Variants in RADIL observed in about 807,000 individuals in gnomAD.
RADIL encodes the protein Rap associating with DIL domain, also known as ras-associating and dilute domain-containing protein.
RADIL carries 99 observed loss-of-function variants against 97.6 expected under a neutral mutation model. The ratio of observed to expected loss-of-function variants is 1.01; its 90% CI spans 0.86 to 1.20. The LOEUF is 1.20. Among genes scored for constraint, RADIL ranks in the 50% most tolerant of loss-of-function variants. The probability of loss-of-function intolerance (pLI) is 0.00; values close to 1 mark genes in which losing one functional copy is unlikely to be tolerated. For synonymous variants in RADIL, 803 were observed against 691.8 expected (o/e 1.16, Z -2.52); for missense variants, 1,765 against 1,498.9 (o/e 1.18, Z -2.93).
chr7:4,829,951 G>C (rs891009746), intron 5 of RADIL, among the ~76,000 whole-genome samples: 3 of 152,172 alleles, frequency 2.0e-5, no homozygotes, highest in African/African-American at 7.2e-5. Context: ...TGGGAATCAC[G>C]CAAACCTCTG....
At chr7:4,848,882 T>C (rs921494671) in intron 2 of RADIL, among the ~76,000 whole-genome samples, 2 of 152,188 alleles carry the variant, frequency 1.3e-5, no homozygotes, top group Non-Finnish European at 2.9e-5. Context: ...CTCACACCTG[T>C]AATCCCAGCA....
At chr7:4,830,438 A>C (rs894027985) in intron 5 of RADIL, among the ~76,000 whole-genome samples, 2 of 152,198 alleles carry the variant, frequency 1.3e-5, no homozygotes, top group Non-Finnish European at 2.9e-5. Context: ...CTTTCTGCGC[A>C]AACAGCCGTT....
chr7:4,836,262 G>A lies in RADIL; in HGVS notation c.783+96C>T, dbSNP rs867043579. On this transcript the variant is annotated intron_variant, in intron 3 of 14. Transcript: ENST00000399583. The stretch of plus-strand genomic sequence containing the variant: ...GGCTGCAGCCACAGAGCTCGCGGCC[G>A]ACTGGGCTAAAGGCAGGCGGAGGCC... 138 of 1,518,650 alleles carry A rather than the reference G, an allele frequency of 9.1e-5. 1 individual carries two copies. The South Asian group carries it at 1.3e-3, about 14-fold the overall frequency. 94.1% of individuals were successfully genotyped at this position (1,518,650 alleles called of 1,614,324 possible).
chr7:4,875,618 G>C (rs1356734184), intron 2 of RADIL, among the ~76,000 whole-genome samples: 2 of 152,210 alleles, frequency 1.3e-5, no homozygotes, highest in East Asian at 3.9e-4. Context: ...GCAGCCCCAA[G>C]GTGGCCCTGT....
intron 9 of RADIL, among the ~76,000 whole-genome samples, chr7:4,810,663 T>C (rs977326669): frequency 1.3e-5 from 2 of 152,140 alleles, no homozygotes; most frequent in Non-Finnish European, 2.9e-5. Context: ...GTCGGGGAAA[T>C]TGCTCAATCG....
At chr7:4,811,802 G>C (rs1782557224) in intron 9 of RADIL, among the ~76,000 whole-genome samples, 1 of 151,810 alleles carries the variant, frequency 6.6e-6, no homozygotes. Context: ...CTTCTTTAAT[G>C]TTTAAAATAA....
intron 5 of RADIL, among the ~76,000 whole-genome samples, chr7:4,827,463 C>G (rs527616311): frequency 4.0e-5 from 6 of 151,326 alleles, no homozygotes; most frequent in Non-Finnish European, 8.8e-5. Context: ...CGATCAAGAC[C>G]ATCCTGGCTA....
rs757952084 is a variant in RADIL, at chr7:4,801,704, G to A, written c.2791C>T (p.Pro931Ser). 1 of 1,609,852 alleles carries A rather than the reference G, an allele frequency of 6.2e-7. No individual in the cohort carries two copies. The highest frequency in any genetic ancestry group is 8.5e-7 in the Non-Finnish European group (1 of 1,178,862). The change falls in exon 12 of 15, where the codon CCA becomes TCA. Residue 931 changes from proline (P) to serine (S), a missense_variant. Transcript: ENST00000399583. ...ESGGPCGKAL[P>S]ERQRNGLSGL... ...CTGAGTCCGTTCCTCTGCCTCTCTG[G>A]GAGCGCTTTTCCACAGGGGCCGCCG... is the stretch of plus-strand genomic sequence containing the variant.
intron 9 of RADIL, chr7:4,809,573 G>A (rs1286900492): frequency 1.0e-6 from 1 of 985,404 alleles, no homozygotes; most frequent in Non-Finnish European, 1.2e-6. Context: ...GGCAGGTCCC[G>A]CCCCACTTCC....
intron 9 of RADIL, among the ~76,000 whole-genome samples, chr7:4,810,255 C>T (rs537556799): frequency 6.6e-6 from 1 of 152,302 alleles, no homozygotes; most frequent in East Asian, 1.9e-4. Flanking sequence ...ACCCCCTGTG[C>T]TTAAGCAATT....
chr7:4,800,533 T>C lies in RADIL; in HGVS notation c.2843-223A>G, dbSNP rs553328609. On this transcript the variant is annotated intron_variant, in intron 12 of 14. Transcript: ENST00000399583. ...CATGTTCCCTGAGGGAGCACCTCAG[T>C]CCCCGCCCCTGGCAGTCCCAGGACA... 5.3e-5 allele frequency among the ~76,000 whole-genome samples: 8 copies of C among 152,094 alleles called. No homozygotes were observed. The South Asian group carries it at 1.7e-3, about 32-fold the overall frequency.
intron 10 of RADIL, 52 bp downstream of exon 10, chr7:4,805,514 G>A (rs1782277160): frequency 1.3e-6 from 2 of 1,499,070 alleles, no homozygotes; most frequent in African/African-American, 1.4e-5. Flanking sequence ...CAGCCTCGGG[G>A]CGAGTCTCCC....
At chr7:4,847,095 T>C (rs1363028841) in intron 2 of RADIL, among the ~76,000 whole-genome samples, 1 of 151,728 alleles carries the variant, frequency 6.6e-6, no homozygotes, top group African/African-American at 2.4e-5. Flanking sequence ...CCAAGGTGGG[T>C]GGATCACTTG....
chr7:4,809,298 G>C (rs929697201), intron 9 of RADIL: 79 of 985,274 alleles, frequency 8.0e-5, no homozygotes, highest in Non-Finnish European at 8.8e-5. Flanking sequence ...CGAGGTTCCT[G>C]CCCTCGGCTC....
chr7:4,882,229 C>G (rs1390047969), intron 1 of RADIL: 1 of 152,258 alleles, frequency 6.6e-6, no homozygotes, highest in Non-Finnish European at 1.5e-5. Context: ...AAGGCGGAGC[C>G]TGGCCTGTTT....
chr7:4,836,460 G>T lies in RADIL; in HGVS notation c.681C>A (p.Pro227=). 4 of 1,603,956 alleles carry T rather than the reference G, an allele frequency of 2.5e-6. No individual in the cohort carries two copies. Among genetic ancestry groups the T allele is most frequent in the Non-Finnish European group, 3.4e-6 (4 of 1,175,726 alleles). The change falls in exon 3 of 15, where the codon CCC becomes CCA. Residue 227 remains proline, a synonymous_variant. Coordinates refer to ENST00000399583, the MANE Select transcript of RADIL (RefSeq NM_018059.5). Reference sequence around the variant, plus strand: ...GCTCCTCGGGGCCCTGGGCGGCAGCGGGCAGGGCGTTCACTGGGCTCAGGC... The same window carrying T: ...GCTCCTCGGGGCCCTGGGCGGCAGCTGGCAGGGCGTTCACTGGGCTCAGGC... ...ETSLSPVNAL[P]AAAQGPEEPG...
chr7:4,860,647 A>G (rs754605456), intron 2 of RADIL: 1 of 1,614,132 alleles, frequency 6.2e-7, no homozygotes, highest in East Asian at 2.2e-5. Flanking sequence ...CCCATTCTAA[A>G]TGTTGTTTTT....
At position 4,849,132 on chromosome 7, in the gene RADIL, C is replaced by A. The variant is rs1783647202; in HGVS notation, c.536-12527G>T. ...CAGCCTGGGCAACAAGAGGGAAATT[C>A]TGTCTCAAAAAAAAAAAAAAAAAGG... On this transcript the variant is annotated intron_variant, in intron 2 of 14. Coordinates refer to ENST00000399583, the MANE Select transcript of RADIL (RefSeq NM_018059.5). This position sits in a 1 kb window ranked among gnomAD's most constrained non-coding sequence, Gnocchi z 5.4. 8.8e-6 allele frequency among the ~76,000 whole-genome samples: 1 copy of A among 113,348 alleles called. No homozygotes were observed. The highest frequency in any genetic ancestry group is 8.7e-5 in the Admixed American group (1 of 11,432). The allele number at this position is 113,348 out of a possible 152,430, so 74.4% of individuals were successfully genotyped here. A position where few individuals can be genotyped will look rare whatever the true frequency, so the allele number is the denominator to read the frequency against.
Position 4,802,008 on chromosome 7 carries a change from AG to A in RADIL, c.2500-14del. ...CGTGGTGCATACCCTAGGGAGAGGA[AG>A]GGTGACAGCTCAGGTAGAGGAGTGG... On this transcript the variant is annotated splice_polypyrimidine_tract_variant and intron_variant, in intron 11 of 14. Transcript: ENST00000399583. The A allele has an allele frequency of 6.7e-7, 1 of 1,488,162 alleles. No individual in the cohort carries two copies. The highest frequency in any genetic ancestry group is 8.9e-7 in the Non-Finnish European group (1 of 1,119,476). The allele number at this position is 1,488,162 out of a possible 1,614,324, so 92.2% of individuals were successfully genotyped here. A position where few individuals can be genotyped will look rare whatever the true frequency, so the allele number is the denominator to read the frequency against.
Sources: gnomAD v4.1 joint callset for allele counts (sites outside exome capture counted in the v4.1 genomes callset) on GRCh38, gnomAD v4.1.1 for gene constraint, Gnocchi (gnomAD v3.1) non-coding constraint, MANE v1.5 for transcripts, NCBI Gene and HGNC (gene_info 2026-07-23, HGNC 2026-07-21) for gene names.